The following PRDM16 variants were observed in gnomAD, a reference collection of about 807,000 sequenced individuals.
PRDM16 encodes the protein PR/SET domain 16.
A neutral mutation model predicts 110.6 loss-of-function variants in PRDM16; 23 were observed. The observed-to-expected ratio is 0.21, with a 90% CI of 0.15 to 0.29. The LOEUF is 0.29. Ranked by LOEUF, PRDM16 falls within the 10% of genes least tolerant of loss-of-function variation. The pLI is 1.00. For missense variants in PRDM16, 1,615 were observed against 1,794.3 expected, an observed-to-expected ratio of 0.90 and a Z score of 1.81; for synonymous variants, 799 against 781.8, an observed-to-expected ratio of 1.02 and a Z score of -0.37.
chr1:3,383,357 C>A (rs1400040774), intron 3 of PRDM16, among the ~76,000 whole-genome samples: 3 of 152,306 alleles, frequency 2.0e-5, no homozygotes, highest in East Asian at 3.9e-4. Context: ...CACCCAGCAC[C>A]TCTGGAAACC....
At chr1:3,229,064 G>A (rs1023451740) in intron 2 of PRDM16, among the ~76,000 whole-genome samples, 4 of 152,326 alleles carry the variant, frequency 2.6e-5, no homozygotes, top group East Asian at 1.9e-4. Context: ...CTTCGCAGGC[G>A]GGAAGGTGCC....
intron 3 of PRDM16, among the ~76,000 whole-genome samples, chr1:3,304,528 G>A (rs185540454): frequency 2.0e-5 from 3 of 152,120 alleles, no homozygotes; most frequent in Non-Finnish European, 1.5e-5. Context: ...CTGTCCACAC[G>A]AGGAGCACAG....
chr1:3,317,587 C>T (rs1570057722), intron 3 of PRDM16, among the ~76,000 whole-genome samples: 1 of 152,214 alleles, frequency 6.6e-6, no homozygotes. Flanking sequence ...AAAGCCATCA[C>T]GTGGGCCGGA....
At chr1:3,428,784 CG>C (rs139898945) in intron 14 of PRDM16, among the ~76,000 whole-genome samples, 11,510 of 152,286 alleles carry the variant, frequency 0.076, 484 homozygotes, top group Middle Eastern at 0.11. Flanking sequence ...TCCCAGCCCC[CG>C]GTACCTCAGA....
At chr1:3,186,988 C>T (rs1040332893) in intron 2 of PRDM16, among the ~76,000 whole-genome samples, 1 of 152,210 alleles carries the variant, frequency 6.6e-6, no homozygotes, top group Admixed American at 6.5e-5. Context: ...GCACAGGCCC[C>T]GACCTGCCAG....
chr1:3,312,246 G>A (rs1027470688), intron 3 of PRDM16, among the ~76,000 whole-genome samples: 2 of 152,188 alleles, frequency 1.3e-5, no homozygotes, highest in Admixed American at 1.3e-4. Context: ...CAGCATCCTC[G>A]CCCCACTGGG....
intron 5 of PRDM16, among the ~76,000 whole-genome samples, chr1:3,399,615 G>A (rs1461408034): frequency 2.0e-5 from 3 of 152,186 alleles, no homozygotes; most frequent in East Asian, 1.9e-4. Flanking sequence ...CACTGAAGTC[G>A]GCTCCATCAC....
At chr1:3,185,642 C>T (rs973795369) in intron 1 of PRDM16, among the ~76,000 whole-genome samples, 1 of 152,252 alleles carries the variant, frequency 6.6e-6, no homozygotes, top group Non-Finnish European at 1.5e-5. Context: ...AGGACTTCTG[C>T]CGTCCCTGAT....
chr1:3,137,909 A>G (rs1557475610), intron 1 of PRDM16, among the ~76,000 whole-genome samples: 1 of 152,186 alleles, frequency 6.6e-6, no homozygotes, highest in Non-Finnish European at 1.5e-5. Context: ...CCAGGCACCC[A>G]TTTGTGCTAA....
In PRDM16 at chr1:3,436,462, C is replaced by G. The variant is rs1638913175; in HGVS notation, c.*2651C>G. The G allele has an allele frequency of 4.3e-6, 1 of 231,486 alleles. No homozygotes were observed. Among genetic ancestry groups the G allele is most frequent in the Admixed American group, 5.6e-5 (1 of 17,732 alleles). The allele number at this position is 231,486 out of a possible 1,614,324, so 14.3% of individuals were successfully genotyped here. A position where few individuals can be genotyped will look rare whatever the true frequency, so the allele number is the denominator to read the frequency against. ...ATTTTCGTCCCCCTGAAAATGATGG[C>G]AAGCCCAGTTTCTCCTGAGCATTCA... On this transcript the variant is annotated 3_prime_UTR_variant, in exon 17 of 17. Coordinates refer to ENST00000270722, the MANE Select transcript of PRDM16 (RefSeq NM_022114.4).
intron 1 of PRDM16, among the ~76,000 whole-genome samples, chr1:3,123,905 G>A (rs1280425061): frequency 6.6e-6 from 1 of 152,216 alleles, no homozygotes; most frequent in Non-Finnish European, 1.5e-5. Flanking sequence ...GTTAAATGAG[G>A]CCCTGTCTCC....
chr1:3,392,491 C>G (rs966330298), intron 4 of PRDM16, among the ~76,000 whole-genome samples: 1 of 152,168 alleles, frequency 6.6e-6, no homozygotes. Context: ...TCCGGTGATT[C>G]CCACCTGGTG....
At chr1:3,430,454 C>G (rs540901407) in intron 14 of PRDM16, among the ~76,000 whole-genome samples, 3 of 152,348 alleles carry the variant, frequency 2.0e-5, no homozygotes, top group Middle Eastern at 3.4e-3. Flanking sequence ...CCCACGTCCT[C>G]GAGTTGTCAG....
chr1:3,274,897 C>T (rs908924469), intron 3 of PRDM16, among the ~76,000 whole-genome samples: 4 of 152,234 alleles, frequency 2.6e-5, no homozygotes, highest in Non-Finnish European at 5.9e-5. Flanking sequence ...CGGCTTTGGA[C>T]ACATGGCACC....
chr1:3,175,792 G>A lies in PRDM16; in HGVS notation c.38-10333G>A, dbSNP rs571086245. Among the ~76,000 whole-genome samples the A allele has an allele frequency of 5.4e-4, 82 of 152,262 alleles. No homozygotes were observed. Among genetic ancestry groups the A allele is most frequent in the African/African-American group, 1.8e-3 (74 of 41,546 alleles). On this transcript the variant is annotated intron_variant, in intron 1 of 16. Coordinates refer to ENST00000270722, the MANE Select transcript of PRDM16 (RefSeq NM_022114.4). The surrounding 1 kb of genome is among the most constrained non-coding windows in gnomAD (Gnocchi z 4.8). ...AGGGCCTGGCTGAGAAAGCCCAGAC[G>A]TTCCTCTCAGATGAGCCGATCAGGG...
Position 3,201,389 on chromosome 1 carries a change from A to G in PRDM16, c.387+14915A>G, listed in dbSNP as rs1477432844. Among the ~76,000 whole-genome samples the G allele has an allele frequency of 6.6e-6, 1 of 152,104 alleles. No homozygotes were observed. Among genetic ancestry groups the G allele is most frequent in the Non-Finnish European group, 1.5e-5 (1 of 68,002 alleles). On this transcript the variant is annotated intron_variant, in intron 2 of 16. Coordinates refer to ENST00000270722, the MANE Select transcript of PRDM16 (RefSeq NM_022114.4). The surrounding 1 kb of genome is among the most constrained non-coding windows in gnomAD (Gnocchi z 4.1). ...AGAGGCGGGTGTCCAGTCCCCAGAG[A>G]GGTGGCCTTCAAGTCCAGTAGCCCA...
chr1:3,101,134 C>T (rs1290097208), intron 1 of PRDM16, among the ~76,000 whole-genome samples: 1 of 152,126 alleles, frequency 6.6e-6, no homozygotes, highest in Non-Finnish European at 1.5e-5. Flanking sequence ...TCGCTGTGCC[C>T]CTTCGGTCTG....
chr1:3,114,308 C>A (rs1368270848), intron 1 of PRDM16, among the ~76,000 whole-genome samples: 2 of 57,500 alleles, frequency 3.5e-5, no homozygotes, highest in Non-Finnish European at 7.0e-5. Flanking sequence ...CACGCACGCA[C>A]ACACACGCAC....
At chr1:3,108,427 T>C (rs1028236526) in intron 1 of PRDM16, among the ~76,000 whole-genome samples, 1 of 152,238 alleles carries the variant, frequency 6.6e-6, no homozygotes. Flanking sequence ...ATTTAAAATG[T>C]TACCAAGTAA....
Sources: gnomAD v4.1 joint callset for allele counts (sites outside exome capture counted in the v4.1 genomes callset) on GRCh38, gnomAD v4.1.1 for gene constraint, Gnocchi (gnomAD v3.1) non-coding constraint, MANE v1.5 for transcripts, NCBI Gene and HGNC (gene_info 2026-07-23, HGNC 2026-07-21) for gene names.